Variants in SMARCA2 observed in about 807,000 individuals in gnomAD.
SMARCA2 encodes SWI/SNF-related matrix-associated actin-dependent regulator of chromatin subfamily A member 2.
Under a neutral mutation model 199.8 loss-of-function variants are expected in SMARCA2, and 61 were observed. The ratio of observed to expected loss-of-function variants is 0.31; its 90% CI spans 0.25 to 0.38. SMARCA2 has a LOEUF of 0.38. Ranked by LOEUF, SMARCA2 falls within the 10% of genes least tolerant of loss-of-function variation. The probability of loss-of-function intolerance (pLI) is 1.00; values close to 1 mark genes in which losing one functional copy is unlikely to be tolerated. For missense variants in SMARCA2, 1,344 were observed against 2,012.2 expected (o/e 0.67, Z 6.35); for synonymous variants, 935 against 732.0 (o/e 1.28, Z -4.48).
chr9:2,078,418 G>A (rs1279501793), intron 14 of SMARCA2, among the ~76,000 whole-genome samples: 1 of 151,934 alleles, frequency 6.6e-6, no homozygotes, highest in African/African-American at 2.4e-5. Context: ...GTTGCAGTGA[G>A]CCAAGATCTT....
intron 27 of SMARCA2, among the ~76,000 whole-genome samples, chr9:2,151,406 A>G (rs1374882119): frequency 6.6e-6 from 1 of 151,608 alleles, no homozygotes; most frequent in East Asian, 1.9e-4. Context: ...CGAAGACAGT[A>G]CAAGACCCAG....
intron 5 of SMARCA2, among the ~76,000 whole-genome samples, chr9:2,048,127 A>G (rs894733559): frequency 6.6e-6 from 1 of 152,154 alleles, no homozygotes; most frequent in African/African-American, 2.4e-5. Flanking sequence ...GCTGCAGACA[A>G]TAATGGGCTG....
chr9:2,180,339 G>C (rs1308196384), intron 29 of SMARCA2, among the ~76,000 whole-genome samples: 1 of 152,174 alleles, frequency 6.6e-6, no homozygotes, highest in South Asian at 2.1e-4. Context: ...TTGCACTTCA[G>C]CATTTTTTCC....
intron 28 of SMARCA2, among the ~76,000 whole-genome samples, chr9:2,164,340 T>C (rs1563816983): frequency 6.6e-6 from 1 of 151,520 alleles, no homozygotes; most frequent in Admixed American, 6.6e-5. Flanking sequence ...GTACAGACTC[T>C]TGTCTGTCTT....
At position 2,073,289 on chromosome 9, in the gene SMARCA2, A is replaced by G. The variant is rs749874224; in HGVS notation, c.1824A>G (p.Gly608=). The change falls in exon 11 of 34, where the codon GGA becomes GGG. Residue 608 remains glycine, a synonymous_variant. Transcript: ENST00000349721. ...THTETGKVLF[G]PEAPKASQLD... is the part of the protein sequence containing the mutation. ...CAGAAACCGGCAAGGTTCTGTTCGGACCAGAAGCACCCAAAGCAAGTCAGC... is the reference window on the plus strand; with the variant it reads ...CAGAAACCGGCAAGGTTCTGTTCGGGCCAGAAGCACCCAAAGCAAGTCAGC... The G allele has an allele frequency of 3.1e-6, 5 of 1,614,168 alleles. No homozygotes were observed. The highest frequency in any genetic ancestry group is 2.2e-5 in the East Asian group (1 of 44,874).
At position 2,192,918 on chromosome 9, in the gene SMARCA2, T is replaced by A. The variant is rs1362500088; in HGVS notation, c.*179T>A. 1.8e-6 allele frequency: 1 copy of A among 566,292 alleles called. No individual in the cohort carries two copies. Among genetic ancestry groups the A allele is most frequent in the South Asian group, 2.6e-5 (1 of 38,714 alleles). 35.1% of individuals were successfully genotyped at this position (566,292 alleles called of 1,614,324 possible). On this transcript the variant is annotated 3_prime_UTR_variant, in exon 34 of 34. Coordinates refer to ENST00000349721, the MANE Select transcript of SMARCA2 (RefSeq NM_003070.5). ...TATCATGGTGTAAAAAACACACACA[T>A]ACACAAATATTTGTAACATATTGTG...
intron 10 of SMARCA2, among the ~76,000 whole-genome samples, chr9:2,071,811 A>G (rs935317587): frequency 1.3e-5 from 2 of 152,246 alleles, no homozygotes; most frequent in Non-Finnish European, 2.9e-5. Context: ...TCCAAGGGAA[A>G]TGATAGCAAA....
chr9:2,189,506 A>G (rs1563846149), intron 32 of SMARCA2, among the ~76,000 whole-genome samples: 1 of 152,218 alleles, frequency 6.6e-6, no homozygotes, highest in Admixed American at 6.5e-5. Context: ...GTATAAATGG[A>G]CATATTTCAC....
chr9:2,063,320 G>A (rs1257858590), intron 9 of SMARCA2, among the ~76,000 whole-genome samples: 1 of 152,164 alleles, frequency 6.6e-6, no homozygotes, highest in Non-Finnish European at 1.5e-5. Context: ...AAAGGAAGGG[G>A]ATGCTTTAAG....
At chr9:2,190,172 A>G (rs1586822703) in intron 32 of SMARCA2, among the ~76,000 whole-genome samples, 1 of 152,196 alleles carries the variant, frequency 6.6e-6, no homozygotes, top group African/African-American at 2.4e-5. Context: ...AAGTGTTTCC[A>G]TTGGTATCCC....
intron 17 of SMARCA2, among the ~76,000 whole-genome samples, chr9:2,084,712 G>T: frequency 6.6e-6 from 1 of 151,978 alleles, no homozygotes; most frequent in African/African-American, 2.4e-5. Flanking sequence ...GTTTTTCCTG[G>T]TGAAATAATA....
At position 2,115,731 on chromosome 9, in the gene SMARCA2, A is replaced by G. The variant is rs1346698764; in HGVS notation, c.3457-91A>G. ...TACCTTAGTGAAGGTGAAATACAGA[A>G]CCCTTCCATATTTCCCTCTGGGGTG... On this transcript the variant is annotated intron_variant, in intron 24 of 33. Coordinates refer to ENST00000349721, the MANE Select transcript of SMARCA2 (RefSeq NM_003070.5). This position sits in a 1 kb window ranked among gnomAD's most constrained non-coding sequence, Gnocchi z 6.0. 1.8e-5 allele frequency: 17 copies of G among 955,162 alleles called. No individual in the cohort carries two copies. Among genetic ancestry groups the G allele is most frequent in the Non-Finnish European group, 2.3e-5 (14 of 617,324 alleles). 59.2% of individuals were successfully genotyped at this position (955,162 alleles called of 1,614,324 possible).
At chr9:2,105,736 C>G (rs1228184643) in intron 23 of SMARCA2, among the ~76,000 whole-genome samples, 1 of 152,206 alleles carries the variant, frequency 6.6e-6, no homozygotes, top group Non-Finnish European at 1.5e-5. Flanking sequence ...ACTCTTCTTT[C>G]AAAAGACAAA....
At chr9:2,167,813 A>G (rs1260266283) in intron 28 of SMARCA2, among the ~76,000 whole-genome samples, 1 of 152,134 alleles carries the variant, frequency 6.6e-6, no homozygotes, top group East Asian at 1.9e-4. Context: ...ACTATAGGGT[A>G]AAAAATTCCA....
chr9:2,182,478 CT>C (rs145095906), intron 31 of SMARCA2, among the ~76,000 whole-genome samples: 1,324 of 96,638 alleles, frequency 0.014, 2 homozygotes, highest in East Asian at 0.031. Flanking sequence ...AGCTTATAGT[CT>C]TTTTTTTTTT....
chr9:2,034,743 G>A (rs1292005983), intron 3 of SMARCA2, among the ~76,000 whole-genome samples: 1 of 152,178 alleles, frequency 6.6e-6, no homozygotes, highest in Non-Finnish European at 1.5e-5. Context: ...TGGAGGCATA[G>A]GAGTGCCTCC....
At chr9:2,098,337 A>G (rs760372744) in intron 21 of SMARCA2, among the ~76,000 whole-genome samples, 1 of 152,262 alleles carries the variant, frequency 6.6e-6, no homozygotes, top group African/African-American at 2.4e-5. Flanking sequence ...TAATCACAGT[A>G]TAAAAATTGA....
At chr9:2,063,604 G>C (rs1820695682) in intron 9 of SMARCA2, among the ~76,000 whole-genome samples, 1 of 152,156 alleles carries the variant, frequency 6.6e-6, no homozygotes, top group Non-Finnish European at 1.5e-5. Context: ...CACTGAGCTG[G>C]TAGCAACACT....
rs935887985 is a variant in SMARCA2, at chr9:2,181,681, A to G, written c.4359+5A>G. 2 of 1,324,274 alleles carry G rather than the reference A, an allele frequency of 1.5e-6. No individual in the cohort carries two copies. The highest frequency in any genetic ancestry group is 1.8e-4 in the Middle Eastern group (1 of 5,436). 82.0% of individuals were successfully genotyped at this position (1,324,274 alleles called of 1,614,324 possible). A position where few individuals can be genotyped will look rare whatever the true frequency, so the allele number is the denominator to read the frequency against. ...GTGGATTTCAAAAAAATAAAGGTAG[A>G]TATTTTGTTTACCAACTTTATTCTT... On this transcript the variant is annotated splice_donor_5th_base_variant and intron_variant, in intron 30 of 33. Transcript: ENST00000349721.
Sources: gnomAD v4.1 joint callset for allele counts (sites outside exome capture counted in the v4.1 genomes callset) on GRCh38, gnomAD v4.1.1 for gene constraint, Gnocchi (gnomAD v3.1) non-coding constraint, MANE v1.5 for transcripts, NCBI Gene and HGNC (gene_info 2026-07-23, HGNC 2026-07-21) for gene names.